CACNA1C: variants seen among roughly 807,000 people sequenced by gnomAD.
The protein encoded by CACNA1C is calcium voltage-gated channel subunit alpha1 C, also known as voltage-dependent L-type calcium channel subunit alpha-1C.
CACNA1C carries 30 observed loss-of-function variants against 229.0 expected under a neutral mutation model. The ratio of observed to expected loss-of-function variants is 0.13; its 90% CI spans 0.10 to 0.18. CACNA1C has a LOEUF of 0.18. Ranked by LOEUF, CACNA1C falls within the 10% of genes least tolerant of loss-of-function variation. The probability of loss-of-function intolerance (pLI) is 1.00; values close to 1 mark genes in which losing one functional copy is unlikely to be tolerated. For missense variants in CACNA1C, 1,658 were observed against 2,845.0 expected (o/e 0.58, Z 9.49); for synonymous variants, 1,114 against 1,132.5 (o/e 0.98, Z 0.33).
chr12:2,164,859 G>A (rs1052072917), intron 3 of CACNA1C, among the ~76,000 whole-genome samples: 46 of 152,198 alleles, frequency 3.0e-4, no homozygotes, highest in African/African-American at 9.9e-4. Context: ...CGCACACACA[G>A]TGTCAGAGCT....
At chr12:2,557,117 A>G (rs1241722352) in intron 11 of CACNA1C, 140 bp downstream of exon 11, 11 of 660,364 alleles carry the variant, frequency 1.7e-5, no homozygotes, top group Non-Finnish European at 2.7e-5. Flanking sequence ...TACTTTCTGT[A>G]TGGCCATCAA....
At chr12:2,057,659 G>C (rs1269936637) in intron 1 of CACNA1C, among the ~76,000 whole-genome samples, 2 of 152,192 alleles carry the variant, frequency 1.3e-5, no homozygotes, top group Non-Finnish European at 2.9e-5. Flanking sequence ...AGCCCACCCA[G>C]TCCGTCGCAG....
Position 2,597,622 on chromosome 12 carries a change from G to A in CACNA1C, c.2853+333G>A, listed in dbSNP as rs1397031866. 1.3e-6 allele frequency: 1 copy of A among 741,664 alleles called. No homozygotes were observed. Among genetic ancestry groups the A allele is most frequent in the Non-Finnish European group, 2.3e-6 (1 of 429,716 alleles). 45.9% of individuals were successfully genotyped at this position (741,664 alleles called of 1,614,324 possible). ...TTCTTTACTCCCAAGCCTGAAATTGGAAAAATGAGTGCCCCTCACTTTGTG... is the reference window on the plus strand; with the variant it reads ...TTCTTTACTCCCAAGCCTGAAATTGAAAAAATGAGTGCCCCTCACTTTGTG... On this transcript the variant is annotated intron_variant, in intron 21 of 46. Transcript: ENST00000399655. The surrounding 1 kb of genome is among the most constrained non-coding windows in gnomAD (Gnocchi z 4.3).
At chr12:2,576,053 A>G (rs1411415164) in intron 13 of CACNA1C, among the ~76,000 whole-genome samples, 1 of 152,226 alleles carries the variant, frequency 6.6e-6, no homozygotes, top group Non-Finnish European at 1.5e-5. Flanking sequence ...AACAGAAGTG[A>G]CATGGTGGTC....
At chr12:2,057,718 C>T (rs568535497) in intron 1 of CACNA1C, among the ~76,000 whole-genome samples, 6 of 152,296 alleles carry the variant, frequency 3.9e-5, no homozygotes, top group Non-Finnish European at 5.9e-5. Flanking sequence ...AGCATCCCGC[C>T]GAGCCTGGAG....
At position 2,500,202 on chromosome 12, in the gene CACNA1C, C is replaced by T. The variant is rs376964243; in HGVS notation, c.1114-4640C>T. On this transcript the variant is annotated intron_variant, in intron 7 of 46. Transcript: ENST00000399655. ...AACCAGCCCACAGCCCAGGGGGGAC[C>T]AAAGCAGCAGTGTGGGACGGCGAGG... Among the ~76,000 whole-genome samples the T allele has an allele frequency of 5.3e-4, 80 of 152,272 alleles. No individual in the cohort carries two copies. In the South Asian group the frequency reaches 0.016, roughly 30 times the overall value.
intron 3 of CACNA1C, among the ~76,000 whole-genome samples, chr12:2,250,451 A>T (rs1438902186): frequency 1.3e-5 from 2 of 152,190 alleles, no homozygotes; most frequent in African/African-American, 2.4e-5. Context: ...ATGACAGCTG[A>T]TATCTGGGTA....
intron 3 of CACNA1C, among the ~76,000 whole-genome samples, chr12:2,433,517 A>T (rs2099106588): frequency 1.3e-5 from 2 of 152,122 alleles, no homozygotes; most frequent in African/African-American, 2.4e-5. Context: ...TCATTCATCC[A>T]TTCACCCACC....
At chr12:2,560,342 C>G (rs1208307511) in intron 11 of CACNA1C, among the ~76,000 whole-genome samples, 1 of 152,208 alleles carries the variant, frequency 6.6e-6, no homozygotes, top group African/African-American at 2.4e-5. Context: ...CTGGCCTTTT[C>G]CTTTGCAAAA....
chr12:2,018,456 C>G (rs2045804920), intron 1 of CACNA1C, among the ~76,000 whole-genome samples: 1 of 152,086 alleles, frequency 6.6e-6, no homozygotes, highest in Non-Finnish European at 1.5e-5. Flanking sequence ...AATATTCTCT[C>G]ACAAACTAGT....
chr12:2,042,444 G>A (rs2050278187), intron 1 of CACNA1C, among the ~76,000 whole-genome samples: 1 of 152,096 alleles, frequency 6.6e-6, no homozygotes, highest in South Asian at 2.1e-4. Flanking sequence ...GCTTTTCGAG[G>A]TAATTCTTAA....
chr12:2,625,221 C>T (rs1385607296), intron 29 of CACNA1C, among the ~76,000 whole-genome samples: 1 of 152,146 alleles, frequency 6.6e-6, no homozygotes, highest in African/African-American at 2.4e-5. Context: ...AATTATATGA[C>T]TTGCATAAAG....
At chr12:2,511,411 G>A (rs757821635) in intron 8 of CACNA1C, among the ~76,000 whole-genome samples, 5 of 152,208 alleles carry the variant, frequency 3.3e-5, no homozygotes, top group Non-Finnish European at 7.3e-5. Flanking sequence ...CTTATGGTTT[G>A]TGGTGCTGTC....
chr12:2,473,254 GAC>G (rs1293253748), intron 5 of CACNA1C, among the ~76,000 whole-genome samples: 1 of 152,050 alleles, frequency 6.6e-6, no homozygotes, highest in African/African-American at 2.4e-5. Flanking sequence ...CTAAGCCACA[GAC>G]ACACAGGCAA....
chr12:2,362,468 A>G (rs1349536749), intron 3 of CACNA1C, among the ~76,000 whole-genome samples: 1 of 152,068 alleles, frequency 6.6e-6, no homozygotes, highest in Admixed American at 6.5e-5. Context: ...TTCCTCCCCC[A>G]TAGACCCACC....
Position 2,115,528 on chromosome 12 carries a change from C to T in CACNA1C, c.354C>T (p.Ile118=), listed in dbSNP as rs1357601525. Residue 118 remains isoleucine, a synonymous_variant, in exon 2 of 47, where the codon ATC becomes ATT. Transcript: ENST00000399655. Reference sequence around the variant, plus strand: ...AGAACCCCATCCGGAGGGCCTGCATCAGCATTGTCGAATGGAAATATCCTT... The same window carrying T: ...AGAACCCCATCCGGAGGGCCTGCATTAGCATTGTCGAATGGAAATATCCTT... ...TLKNPIRRAC[I]SIVEWKPFEI... is the part of the protein sequence containing the mutation. 1 of 1,613,264 alleles carries T rather than the reference C, an allele frequency of 6.2e-7. No individual in the cohort carries two copies. The highest frequency in any genetic ancestry group is 8.5e-7 in the Non-Finnish European group (1 of 1,179,862).
chr12:2,651,546 C>G lies in CACNA1C; in HGVS notation c.3946-94C>G, dbSNP rs2094975571. Reference sequence around the variant, plus strand: ...GCAAACCCTGGCCTGCCTTCCGCCACTGCCACTGAGGTCTGTATTTCTCGG... The same window carrying G: ...GCAAACCCTGGCCTGCCTTCCGCCAGTGCCACTGAGGTCTGTATTTCTCGG... On this transcript the variant is annotated intron_variant, in intron 31 of 46. Coordinates refer to ENST00000399655, the MANE Select transcript of CACNA1C (RefSeq NM_000719.7). This position sits in a 1 kb window ranked among gnomAD's most constrained non-coding sequence, Gnocchi z 5.4. 11 of 1,598,878 alleles carry G rather than the reference C, an allele frequency of 6.9e-6. No individual in the cohort carries two copies. Among genetic ancestry groups the G allele is most frequent in the African/African-American group, 1.3e-5 (1 of 74,582 alleles).
intron 3 of CACNA1C, among the ~76,000 whole-genome samples, chr12:2,128,479 C>T (rs572394062): frequency 2.0e-4 from 31 of 152,138 alleles, no homozygotes; most frequent in Admixed American, 1.0e-3. Context: ...GGCGCGATCT[C>T]GGCTCACTGC....
intron 9 of CACNA1C, among the ~76,000 whole-genome samples, chr12:2,531,410 A>G (rs2099840763): frequency 6.6e-6 from 1 of 151,946 alleles, no homozygotes; most frequent in African/African-American, 2.4e-5. Flanking sequence ...AACCTAAACA[A>G]CCCTTTCCTC....
Sources: gnomAD v4.1 joint callset for allele counts (sites outside exome capture counted in the v4.1 genomes callset) on GRCh38, gnomAD v4.1.1 for gene constraint, Gnocchi (gnomAD v3.1) non-coding constraint, MANE v1.5 for transcripts, NCBI Gene and HGNC (gene_info 2026-07-23, HGNC 2026-07-21) for gene names.